The following VEPH1 variants were observed in gnomAD, a reference collection of about 807,000 sequenced individuals.
The protein encoded by VEPH1 is ventricular zone expressed PH domain containing 1.
In VEPH1, 80 loss-of-function variants were observed where a neutral mutation model predicts 85.2. The observed-to-expected ratio is 0.94, with a 90% CI of 0.78 to 1.13. The LOEUF (loss-of-function observed/expected upper bound fraction) is 1.13, where lower values mean the gene tolerates loss of function less well. VEPH1 is among the 50% of genes most tolerant of loss of function. The pLI is 0.00. For synonymous variants in VEPH1, 297 were observed against 348.0 expected (o/e 0.85, Z 1.63); for missense variants, 955 against 980.5 (o/e 0.97, Z 0.35).
rs575999628 is a variant in VEPH1, at chr3:157,423,164, A to C, written c.696+5158T>G. Among the ~76,000 whole-genome samples, 8 of 152,364 alleles carry C rather than the reference A, an allele frequency of 5.3e-5. No homozygotes were observed. The South Asian group carries it at 1.7e-3, about 32-fold the overall frequency. ...CTACTATGTAACCCAGCACTACACC[A>C]GGGAGTGCATATGAATATGTAGATA... On this transcript the variant is annotated intron_variant, in intron 5 of 13. Transcript: ENST00000362010.
At chr3:157,468,365 G>T (rs748369436) in intron 3 of VEPH1, among the ~76,000 whole-genome samples, 1 of 152,140 alleles carries the variant, frequency 6.6e-6, no homozygotes, top group Non-Finnish European at 1.5e-5. Context: ...ACAAGGTCAG[G>T]AGTTCAAGGC....
intron 12 of VEPH1, among the ~76,000 whole-genome samples, chr3:157,283,614 C>T (rs1716412326): frequency 1.3e-5 from 2 of 152,090 alleles, no homozygotes; most frequent in South Asian, 4.2e-4. Flanking sequence ...GTGAGTTGAC[C>T]ATGTCAGTAA....
rs771139337 is a variant in VEPH1 at position 157,470,354 on chromosome 3, T to G, written c.314A>C (p.His105Pro). 4.3e-6 allele frequency: 7 copies of G among 1,613,966 alleles called. No individual in the cohort carries two copies. Among genetic ancestry groups the G allele is most frequent in the Admixed American group, 1.7e-5 (1 of 59,986 alleles). ...CATGATATCAGATGCGATTTTTGCATGAGGAGTGTCTTCGTCTTTCCCAAA... is the reference window on the plus strand; with the variant it reads ...CATGATATCAGATGCGATTTTTGCAGGAGGAGTGTCTTCGTCTTTCCCAAA... ...RPFGKDEDTPHAKIASDIMSC... is the reference protein window; with the variant it reads ...RPFGKDEDTPPAKIASDIMSC... The change falls in exon 3 of 14, where the codon CAT becomes CCT. Residue 105 changes from histidine to proline, a missense_variant. Physicochemically the swap from His to Pro is moderately conservative, Grantham distance 77. Transcript: ENST00000362010.
At chr3:157,501,611 A>G (rs1740126614) in intron 1 of VEPH1, among the ~76,000 whole-genome samples, 1 of 152,228 alleles carries the variant, frequency 6.6e-6, no homozygotes, top group South Asian at 2.1e-4. Flanking sequence ...AAATGAAAAT[A>G]TACATGAACT....
At chr3:157,433,726 T>C (rs1733341583) in intron 4 of VEPH1, among the ~76,000 whole-genome samples, 1 of 152,226 alleles carries the variant, frequency 6.6e-6, no homozygotes, top group Non-Finnish European at 1.5e-5. Flanking sequence ...GTATCATACT[T>C]AGTAGACATG....
chr3:157,353,999 C>T (rs1489260834), intron 9 of VEPH1, among the ~76,000 whole-genome samples: 3 of 152,048 alleles, frequency 2.0e-5, no homozygotes, highest in African/African-American at 7.2e-5. Flanking sequence ...CAATAACGGA[C>T]GCAGGTCATT....
At position 157,346,473 on chromosome 3, in the gene VEPH1, G is replaced by T. The variant is rs148041280; in HGVS notation, c.1735+16891C>A. Among the ~76,000 whole-genome samples, 3 of 152,170 alleles carry T rather than the reference G, an allele frequency of 2.0e-5. No homozygotes were observed. In the East Asian group the frequency reaches 5.8e-4, roughly 29 times the overall value. On this transcript the variant is annotated intron_variant, in intron 9 of 13. Coordinates refer to ENST00000362010, the MANE Select transcript of VEPH1 (RefSeq NM_001167912.2). ...CCAGTTTCTAAGTTGAAATTAGATG[G>T]CTTCTCTTACCCACTAAGGAATTTT...
intron 3 of VEPH1, among the ~76,000 whole-genome samples, chr3:157,461,626 A>G (rs1180196677): frequency 1.3e-5 from 2 of 152,220 alleles, no homozygotes; most frequent in African/African-American, 2.4e-5. Flanking sequence ...CAAATCTTAC[A>G]ATAAGGACAA....
intron 11 of VEPH1, among the ~76,000 whole-genome samples, chr3:157,311,087 G>T (rs890645121): frequency 6.6e-6 from 1 of 152,196 alleles, no homozygotes; most frequent in Non-Finnish European, 1.5e-5. Flanking sequence ...AGCCTAGTGT[G>T]TGCCAAGCAC....
intron 11 of VEPH1, among the ~76,000 whole-genome samples, chr3:157,312,891 A>G (rs1384948941): frequency 7.7e-5 from 1 of 13,034 alleles, no homozygotes; most frequent in East Asian, 4.0e-3. Flanking sequence ...TGGCTAATTA[A>G]AAAAAAACAT....
At chr3:157,289,485 T>C (rs1717209201) in intron 11 of VEPH1, among the ~76,000 whole-genome samples, 1 of 152,240 alleles carries the variant, frequency 6.6e-6, no homozygotes, top group South Asian at 2.1e-4. Flanking sequence ...TTGGTGATAA[T>C]AGCACACTTC....
intron 9 of VEPH1, among the ~76,000 whole-genome samples, chr3:157,338,193 AAG>A (rs1559970840): frequency 6.6e-6 from 1 of 152,218 alleles, no homozygotes; most frequent in African/African-American, 2.4e-5. Context: ...TAAATGTACT[AAG>A]AGCTTTTAGA....
chr3:157,368,485 T>TTGTTTGTG (rs1395571396), intron 7 of VEPH1, among the ~76,000 whole-genome samples: 1 of 150,450 alleles, frequency 6.6e-6, no homozygotes, highest in Non-Finnish European at 1.5e-5. Context: ...AGTTTTTTGT[T>TTGTTTGTG]TGTTTGTTTG....
chr3:157,328,207 T>C (rs1318308374), intron 9 of VEPH1, among the ~76,000 whole-genome samples: 1 of 149,804 alleles, frequency 6.7e-6, no homozygotes, highest in African/African-American at 2.5e-5. Context: ...AATGAGTTAG[T>C]TATGTGAGCA....
intron 11 of VEPH1, among the ~76,000 whole-genome samples, chr3:157,310,924 C>T (rs988568326): frequency 2.0e-5 from 3 of 152,090 alleles, no homozygotes; most frequent in African/African-American, 4.8e-5. Context: ...AGGGAAGTAC[C>T]GGATTCATTT....
intron 6 of VEPH1, among the ~76,000 whole-genome samples, chr3:157,408,758 G>A (rs1731322062): frequency 6.6e-6 from 1 of 152,104 alleles, no homozygotes; most frequent in East Asian, 1.9e-4. Flanking sequence ...AGTAGGAGAA[G>A]AGGGTAAAAG....
At chr3:157,326,767 C>T (rs1350169824) in intron 9 of VEPH1, among the ~76,000 whole-genome samples, 1 of 152,182 alleles carries the variant, frequency 6.6e-6, no homozygotes, top group Non-Finnish European at 1.5e-5. Flanking sequence ...ATATTAGATA[C>T]ATTATGGTAA....
At chr3:157,340,317 C>A (rs1334527299) in intron 9 of VEPH1, among the ~76,000 whole-genome samples, 1 of 152,222 alleles carries the variant, frequency 6.6e-6, no homozygotes, top group Non-Finnish European at 1.5e-5. Flanking sequence ...TCGGGTCATG[C>A]CCACCCTAAT....
At chr3:157,286,482 C>G (rs71310501) in intron 12 of VEPH1, 75 bp downstream of exon 12, 56,495 of 1,186,608 alleles carry the variant, frequency 0.048, 1,833 homozygotes, top group Admixed American at 0.11. Context: ...GGAAGGCCAC[C>G]TAGAAAAATG....
Sources: gnomAD v4.1 joint callset for allele counts (sites outside exome capture counted in the v4.1 genomes callset) on GRCh38, gnomAD v4.1.1 for gene constraint, MANE v1.5 for transcripts, NCBI Gene and HGNC (gene_info 2026-07-23, HGNC 2026-07-21) for gene names.